The following CR1 variants were observed in gnomAD, a reference collection of about 807,000 sequenced individuals.
The protein encoded by CR1 is complement receptor type 1.
In CR1, 116 loss-of-function variants were observed where a neutral mutation model predicts 187.3. The ratio of observed to expected loss-of-function variants is 0.62; its 90% CI spans 0.53 to 0.72. The LOEUF is 0.72. Ranked by LOEUF, CR1 falls within the 30% of genes least tolerant of loss-of-function variation. The pLI, the probability that CR1 is intolerant of heterozygous loss-of-function variation, is 0.00. For missense variants in CR1, 1,731 were observed against 2,110.7 expected (o/e 0.82, Z 3.52); for synonymous variants, 576 against 747.1 (o/e 0.77, Z 3.73).
At position 207,524,436 on chromosome 1, in the gene CR1, T is replaced by G. The variant is rs796358505; in HGVS notation, c.886+427T>G. Among the ~76,000 whole-genome samples the G allele has an allele frequency of 1.4e-4, 22 of 152,192 alleles. No individual in the cohort carries two copies. The East Asian group carries it at 3.5e-3, about 24-fold the overall frequency. ...TCTTGATCTGTCACTCACGTTGAAC[T>G]GCTGTGGTGCCATCATGACTTACTT... On this transcript the variant is annotated intron_variant, in intron 5 of 46. Transcript: ENST00000367049.
intron 36 of CR1, among the ~76,000 whole-genome samples, chr1:207,607,928 G>A (rs1039250973): frequency 6.6e-6 from 1 of 152,194 alleles, no homozygotes; most frequent in African/African-American, 2.4e-5. Flanking sequence ...AAGTGTTATA[G>A]CTGTGAAGAA....
chr1:207,522,736 C>T (rs1167881590), intron 4 of CR1, among the ~76,000 whole-genome samples: 2 of 152,156 alleles, frequency 1.3e-5, no homozygotes, highest in Admixed American at 1.3e-4. Context: ...TTAGTAGAAG[C>T]AGAGCCTGAA....
At chr1:207,611,874 C>G in intron 38 of CR1, 21 bp downstream of exon 38, 2 of 1,613,860 alleles carry the variant, frequency 1.2e-6, no homozygotes, top group Non-Finnish European at 1.7e-6. Context: ...TCTCTGGCTT[C>G]CAGATTGCTC....
At chr1:207,517,026 T>C (rs1659828751) in intron 4 of CR1, among the ~76,000 whole-genome samples, 1 of 152,186 alleles carries the variant, frequency 6.6e-6, no homozygotes, top group Admixed American at 6.5e-5. Flanking sequence ...TAAATCATGA[T>C]GTATGCTGTA....
intron 46 of CR1, among the ~76,000 whole-genome samples, chr1:207,638,411 C>T (rs145326552): frequency 7.3e-4 from 111 of 151,920 alleles, no homozygotes; most frequent in Middle Eastern, 3.4e-3. Flanking sequence ...GCTGTGCCTA[C>T]GCTGACAAGC....
At chr1:207,611,563 CTT>C in intron 37 of CR1, 112 bp from the exon 38 acceptor site, 1 of 1,463,746 alleles carries the variant, frequency 6.8e-7, no homozygotes, top group Admixed American at 2.3e-5. Flanking sequence ...CCAATCTTCT[CTT>C]TTAATAGCTG....
At position 207,524,186 on chromosome 1, in the gene CR1, C is replaced by A. The variant is rs563883132; in HGVS notation, c.886+177C>A. ...TGTACATGCACATGTGCTGAAATTG[C>A]GAAGCAAAGCTCAACCTGGGCAAGG... On this transcript the variant is annotated intron_variant, in intron 5 of 46. Transcript: ENST00000367049. Among the ~76,000 whole-genome samples the A allele has an allele frequency of 1.1e-3, 160 of 152,166 alleles. 3 individuals carry two copies. The highest frequency in any genetic ancestry group is 3.6e-3 in the African/African-American group (148 of 41,426).
chr1:207,639,489 C>G lies in CR1; in HGVS notation c.*80C>G. 4.4e-6 allele frequency: 6 copies of G among 1,378,088 alleles called. No individual in the cohort carries two copies. The highest frequency in any genetic ancestry group is 6.1e-6 in the Non-Finnish European group (6 of 989,766). The allele number at this position is 1,378,088 out of a possible 1,614,324, so 85.4% of individuals were successfully genotyped here. A position where few individuals can be genotyped will look rare whatever the true frequency, so the allele number is the denominator to read the frequency against. Reference sequence around the variant, plus strand: ...CCAATTGATTTCAACAGAATCAGATCTGAGCTTCATAAAGTCTTTGAAGTG... The same window carrying G: ...CCAATTGATTTCAACAGAATCAGATGTGAGCTTCATAAAGTCTTTGAAGTG... On this transcript the variant is annotated 3_prime_UTR_variant, in exon 47 of 47. Coordinates refer to ENST00000367049, the MANE Select transcript of CR1 (RefSeq NM_000651.6).
At chr1:207,566,044 G>A in intron 24 of CR1, 121 bp downstream of exon 24, 1 of 1,334,170 alleles carries the variant, frequency 7.5e-7, no homozygotes, top group African/African-American at 1.6e-5. Context: ...TTTAAAAATA[G>A]TTTATTTTAA....
At chr1:207,594,707 A>G (rs556447141) in intron 35 of CR1, among the ~76,000 whole-genome samples, 7 of 152,232 alleles carry the variant, frequency 4.6e-5, no homozygotes, top group Admixed American at 6.5e-5. Context: ...GCCCCTTGTC[A>G]TCAGCCTATT....
chr1:207,618,280 T>C (rs755227376), intron 42 of CR1, 33 bp downstream of exon 42: 8 of 1,593,794 alleles, frequency 5.0e-6, no homozygotes, highest in Non-Finnish European at 6.9e-6. Flanking sequence ...TTATTCTTGC[T>C]GGGTTGTATG....
chr1:207,542,172 CT>C lies in CR1; in HGVS notation c.1838-5del. ...TTTTGTTTTGGTTAACTTGCTGTCC[CT>C]TTTTCCAGGAATTCCTTGTGGGCTA... On this transcript the variant is annotated splice_polypyrimidine_tract_variant and intron_variant, in intron 12 of 46. Coordinates refer to ENST00000367049, the MANE Select transcript of CR1 (RefSeq NM_000651.6). 4.2e-5 allele frequency: 3 copies of C among 70,766 alleles called. No individual in the cohort carries two copies. The highest frequency in any genetic ancestry group is 1.1e-4 in the South Asian group (1 of 9,056). The allele number at this position is 70,766 out of a possible 1,614,324, so 4.4% of individuals were successfully genotyped here. A position where few individuals can be genotyped will look rare whatever the true frequency, so the allele number is the denominator to read the frequency against.
At chr1:207,588,863 T>A in intron 35 of CR1, 89 bp downstream of exon 35, 1 of 847,450 alleles carries the variant, frequency 1.2e-6, no homozygotes, top group South Asian at 1.7e-5. Context: ...ACTAAACTAT[T>A]GCTCCCTTTA....
intron 37 of CR1, among the ~76,000 whole-genome samples, chr1:207,611,157 G>C (rs1393056196): frequency 6.6e-6 from 1 of 152,046 alleles, no homozygotes; most frequent in Non-Finnish European, 1.5e-5. Flanking sequence ...TTAAAACATG[G>C]AGTGGGAAGA....
intron 5 of CR1, among the ~76,000 whole-genome samples, chr1:207,526,006 A>C (rs1660156938): frequency 6.6e-6 from 1 of 152,072 alleles, no homozygotes; most frequent in African/African-American, 2.4e-5. Context: ...TTGAGATCCA[A>C]ATGTGTTCTG....
chr1:207,564,561 G>C (rs1422118324), intron 23 of CR1, among the ~76,000 whole-genome samples: 1 of 150,202 alleles, frequency 6.7e-6, no homozygotes, highest in Non-Finnish European at 1.5e-5. Flanking sequence ...GCACCTTTGG[G>C]AGGTTGAGGC....
chr1:207,603,294 A>T (rs1237735646), intron 35 of CR1, among the ~76,000 whole-genome samples: 2 of 152,166 alleles, frequency 1.3e-5, no homozygotes, highest in Non-Finnish European at 2.9e-5. Context: ...TGTAAGAAAG[A>T]TCATGCGGTA....
rs1194466945 is a variant in CR1 at position 207,611,665 on chromosome 1, T to G, written c.6296-12T>G. On this transcript the variant is annotated splice_polypyrimidine_tract_variant and intron_variant, in intron 37 of 46. Transcript: ENST00000367049. ...ATATCTAACAAGTGCTCTGGAACTG[T>G]CCTTTCCACAGTGTGTCAGCCGCCT... 3 of 1,613,564 alleles carry G rather than the reference T, an allele frequency of 1.9e-6. No homozygotes were observed. The highest frequency in any genetic ancestry group is 2.5e-6 in the Non-Finnish European group (3 of 1,179,622).
At chr1:207,506,152 A>G in intron 2 of CR1, 69 bp downstream of exon 2, 6 of 1,559,216 alleles carry the variant, frequency 3.8e-6, no homozygotes, top group Non-Finnish European at 5.2e-6. Context: ...AATTTGTTCA[A>G]ATTTTGTAAC....
Sources: gnomAD v4.1 joint callset for allele counts (sites outside exome capture counted in the v4.1 genomes callset) on GRCh38, gnomAD v4.1.1 for gene constraint, MANE v1.5 for transcripts, NCBI Gene and HGNC (gene_info 2026-07-23, HGNC 2026-07-21) for gene names.